The following ME3 variants were observed in gnomAD, a reference collection of about 807,000 sequenced individuals.
ME3 encodes the protein malic enzyme 3.
Under a neutral mutation model 68.9 loss-of-function variants are expected in ME3, and 48 were observed. The ratio of observed to expected loss-of-function variants is 0.70; its 90% CI spans 0.55 to 0.89. ME3 has a LOEUF of 0.89. Among genes scored for constraint, ME3 ranks in the 40% least tolerant of loss-of-function variants. The pLI, the probability that ME3 is intolerant of heterozygous loss-of-function variation, is 0.00. For synonymous variants in ME3, 320 were observed against 318.8 expected, an observed-to-expected ratio of 1.00 and a Z score of -0.04; for missense variants, 675 against 797.4, an observed-to-expected ratio of 0.85 and a Z score of 1.85.
intron 2 of ME3, among the ~76,000 whole-genome samples, chr11:86,594,260 A>G (rs938173711): frequency 1.4e-5 from 2 of 146,888 alleles, no homozygotes; most frequent in Non-Finnish European, 3.0e-5. Context: ...ATTATGATTT[A>G]AAATTGTTGC....
intron 5 of ME3, among the ~76,000 whole-genome samples, chr11:86,500,735 G>A (rs1952669632): frequency 6.6e-6 from 1 of 152,060 alleles, no homozygotes; most frequent in Non-Finnish European, 1.5e-5. Flanking sequence ...TTCTTCCCAG[G>A]CACACTCTGA....
intron 2 of ME3, among the ~76,000 whole-genome samples, chr11:86,650,775 G>C (rs11512936): frequency 5.3e-5 from 8 of 152,018 alleles, no homozygotes; most frequent in African/African-American, 1.9e-4. Context: ...CACACCGAGC[G>C]TGAGCTGCAG....
intron 2 of ME3, among the ~76,000 whole-genome samples, chr11:86,566,258 A>G (rs1452854366): frequency 2.6e-5 from 4 of 152,238 alleles, no homozygotes; most frequent in Non-Finnish European, 5.9e-5. Flanking sequence ...ACTCTGGTTA[A>G]GCCTTTTATC....
At chr11:86,569,409 A>G (rs1321259094) in intron 2 of ME3, among the ~76,000 whole-genome samples, 4 of 151,898 alleles carry the variant, frequency 2.6e-5, no homozygotes, top group Non-Finnish European at 5.9e-5. Flanking sequence ...CTTCCAATCC[A>G]CAGTCGACTA....
chr11:86,477,233 A>C (rs142436295), intron 7 of ME3, among the ~76,000 whole-genome samples: 1 of 152,252 alleles, frequency 6.6e-6, no homozygotes, highest in African/African-American at 2.4e-5. Flanking sequence ...GAACTCAGGC[A>C]GTCTAGCTCT....
intron 6 of ME3, among the ~76,000 whole-genome samples, chr11:86,491,530 G>A (rs1340542953): frequency 6.6e-6 from 1 of 152,182 alleles, no homozygotes; most frequent in Non-Finnish European, 1.5e-5. Flanking sequence ...AGTGGAAATG[G>A]CTTCTCTAAA....
chr11:86,631,440 G>A (rs1183939830), intron 2 of ME3, among the ~76,000 whole-genome samples: 3 of 152,166 alleles, frequency 2.0e-5, no homozygotes, highest in African/African-American at 7.2e-5. Context: ...AAGAATGTGA[G>A]AGAACTAGTG....
intron 2 of ME3, among the ~76,000 whole-genome samples, chr11:86,648,442 A>T (rs772534766): frequency 6.6e-6 from 1 of 152,138 alleles, no homozygotes; most frequent in Non-Finnish European, 1.5e-5. Context: ...AAACAAATTC[A>T]AAAGCTAGCA....
At chr11:86,480,107 C>G (rs918919206) in intron 7 of ME3, among the ~76,000 whole-genome samples, 1 of 152,216 alleles carries the variant, frequency 6.6e-6, no homozygotes, top group Non-Finnish European at 1.5e-5. Context: ...GCATGAGCCA[C>G]CGCGCCTGGC....
intron 5 of ME3, among the ~76,000 whole-genome samples, chr11:86,503,935 A>G (rs1952888775): frequency 6.6e-6 from 1 of 152,066 alleles, no homozygotes; most frequent in Non-Finnish European, 1.5e-5. Context: ...AAAGTCAGAA[A>G]AGCAGTTCTC....
At chr11:86,599,829 G>A (rs1960275199) in intron 2 of ME3, among the ~76,000 whole-genome samples, 1 of 152,222 alleles carries the variant, frequency 6.6e-6, no homozygotes, top group East Asian at 1.9e-4. Flanking sequence ...TTTCAACCCA[G>A]AATTTCATAT....
chr11:86,654,670 C>T (rs1223147682), intron 2 of ME3, among the ~76,000 whole-genome samples: 1 of 152,188 alleles, frequency 6.6e-6, no homozygotes, highest in African/African-American at 2.4e-5. Flanking sequence ...GGAAGCATCC[C>T]CTTTGAAAAC....
intron 7 of ME3, among the ~76,000 whole-genome samples, chr11:86,469,480 G>A (rs1201151651): frequency 1.3e-5 from 2 of 152,202 alleles, no homozygotes; most frequent in Non-Finnish European, 2.9e-5. Flanking sequence ...CCAAGAAGCC[G>A]TGCTCTCAGC....
At chr11:86,585,472 G>A (rs1385838453) in intron 2 of ME3, among the ~76,000 whole-genome samples, 1 of 152,134 alleles carries the variant, frequency 6.6e-6, no homozygotes, top group Non-Finnish European at 1.5e-5. Flanking sequence ...GAGGGGTCAA[G>A]GATCACTGCC....
intron 2 of ME3, among the ~76,000 whole-genome samples, chr11:86,619,007 C>G (rs1400347379): frequency 6.6e-6 from 1 of 152,160 alleles, no homozygotes; most frequent in Non-Finnish European, 1.5e-5. Flanking sequence ...CCGTGCCTGG[C>G]CAAGATCTGG....
chr11:86,447,252 C>G (rs1222773587), intron 11 of ME3, 45 bp from the exon 12 acceptor site: 2 of 1,594,430 alleles, frequency 1.3e-6, no homozygotes, highest in Non-Finnish European at 1.7e-6. Context: ...TCTCTATAAA[C>G]AACCCATTCC....
At chr11:86,584,235 T>C (rs943780653) in intron 2 of ME3, among the ~76,000 whole-genome samples, 1 of 152,094 alleles carries the variant, frequency 6.6e-6, no homozygotes, top group Non-Finnish European at 1.5e-5. Flanking sequence ...CACTAATCAT[T>C]AGGGAAATGC....
chr11:86,536,345 G>C, intron 4 of ME3, among the ~76,000 whole-genome samples: 1 of 145,384 alleles, frequency 6.9e-6, no homozygotes, highest in Non-Finnish European at 1.5e-5. Context: ...AGAGTGAACA[G>C]GCAACCTACA....
chr11:86,531,953 G>A (rs1420590225), intron 4 of ME3, among the ~76,000 whole-genome samples: 6 of 149,266 alleles, frequency 4.0e-5, no homozygotes, highest in Non-Finnish European at 8.9e-5. Context: ...TTGTGCACAT[G>A]TACCCTAAAA....
Sources: gnomAD v4.1 joint callset for allele counts (sites outside exome capture counted in the v4.1 genomes callset) on GRCh38, gnomAD v4.1.1 for gene constraint, MANE v1.5 for transcripts, NCBI Gene and HGNC (gene_info 2026-07-23, HGNC 2026-07-21) for gene names.